The following CSTF2 variants were observed in gnomAD, a reference collection of about 807,000 sequenced individuals.
The protein encoded by CSTF2 is cleavage stimulation factor subunit 2, also known as CF-1 64 kDa subunit.
Under a neutral mutation model 45.4 loss-of-function variants are expected in CSTF2, and 8 were observed. The ratio of observed to expected loss-of-function variants is 0.18; its 90% CI spans 0.10 to 0.32. The LOEUF is 0.32. Among genes scored for constraint, CSTF2 ranks in the 10% least tolerant of loss-of-function variants. CSTF2 has a pLI of 1.00. For synonymous variants in CSTF2, 155 were observed against 158.9 expected (o/e 0.98, Z 0.18); for missense variants, 253 against 477.1 (o/e 0.53, Z 4.38).
chrX:100,822,516 G>A (rs2084924067), intron 3 of CSTF2, 96 bp downstream of exon 3: 4 of 892,815 alleles, frequency 4.5e-6, no homozygotes, highest in Admixed American at 5.2e-5. Context: ...TGCTGAAATG[G>A]TTAGCCACGC....
chrX:100,820,689 T>G (rs1223539124), intron 1 of CSTF2: 3 of 511,926 alleles, frequency 5.9e-6, no homozygotes, highest in Non-Finnish European at 1.1e-5. Context: ...GAAGTTAGAC[T>G]AGCGTTCAGC....
At chrX:100,826,475 G>A (rs2084945335) in intron 6 of CSTF2, among the ~76,000 whole-genome samples, 159 bp from the exon 7 acceptor site, 2 of 111,231 alleles carry the variant, frequency 1.8e-5, no homozygotes, top group Admixed American at 9.6e-5. Flanking sequence ...AGTTTAAAGT[G>A]TGTGACAAAT....
At chrX:100,835,887 T>G (rs901939067) in intron 11 of CSTF2, among the ~76,000 whole-genome samples, 25 of 111,460 alleles carry the variant, frequency 2.2e-4, no homozygotes, top group African/African-American at 7.5e-4. Context: ...TCAAAAAGAT[T>G]ATACTCAATT....
chrX:100,831,002 A>G, intron 8 of CSTF2: 1 of 497,720 alleles, frequency 2.0e-6, no homozygotes, highest in Non-Finnish European at 3.3e-6. Flanking sequence ...TGTTTTTTTA[A>G]TTTTTTCCTG....
In CSTF2 at chrX:100,833,414, G is replaced by T. The variant is rs763670637; in HGVS notation, c.1442G>T (p.Gly481Val). 4.1e-6 allele frequency: 5 copies of T among 1,207,000 alleles called. No individual in the cohort carries two copies. The highest frequency in any genetic ancestry group is 4.5e-6 in the Non-Finnish European group (4 of 893,666). Residue 481 changes from glycine (G) to valine (V), a missense_variant, in exon 11 of 14, where the codon GGA becomes GTA. Gly to Val is a moderately radical substitution (Grantham distance 109). Around this residue, in one of 3 missense-constraint regions of CSTF2, gnomAD observed 200 missense variants for 294.0 expected, o/e 0.68. Transcript: ENST00000372972. ...VPGPRGPIPS[G>V]MQGPSPINMG... is the part of the protein sequence containing the mutation. The stretch of plus-strand genomic sequence containing the variant: ...GGCCCCAGAGGACCTATACCTAGTG[G>T]AATGCAGGGTCCCAGTCCAATTAAC...
At position 100,833,299 on chromosome X, in the gene CSTF2, C is replaced by T. The variant is rs749587180; in HGVS notation, c.1327C>T (p.Arg443Cys). 3.2e-5 allele frequency: 39 copies of T among 1,207,281 alleles called. No homozygotes were observed. In the East Asian group the frequency reaches 7.1e-4, roughly 22 times the overall value. ...RAMEARAMEA[R>C]AMEARAMEAR... ...AATGGAGGCCCGTGCGATGGAAGCT[C>T]GTGCAATGGAGGCCCGAGCGATGGA... Residue 443 changes from arginine (R) to cysteine (C), a missense_variant, in exon 11 of 14, where the codon CGT becomes TGT. By Grantham distance (180) the Arg-to-Cys change is radical (BLOSUM62 -3). This residue lies in a region of CSTF2 where 200 missense variants were observed against 294.0 expected (regional missense o/e 0.68). Coordinates refer to ENST00000372972, the MANE Select transcript of CSTF2 (RefSeq NM_001325.3).
At chrX:100,826,207 A>G (rs1002245934) in intron 6 of CSTF2, among the ~76,000 whole-genome samples, 5 of 110,774 alleles carry the variant, frequency 4.5e-5, no homozygotes, top group Admixed American at 1.9e-4. Flanking sequence ...TTAAAAAAAA[A>G]ATTTAATTTT....
chrX:100,821,738 A>G, intron 2 of CSTF2, 133 bp downstream of exon 2: 1 of 469,758 alleles, frequency 2.1e-6, no homozygotes, highest in Non-Finnish European at 3.8e-6. Context: ...CTTTATTGAG[A>G]TATAATTGAT....
chrX:100,821,503 A>C, intron 1 of CSTF2, 24 bp from the exon 2 acceptor site: 1 of 1,075,698 alleles, frequency 9.3e-7, no homozygotes, highest in Non-Finnish European at 1.3e-6. Flanking sequence ...TCAGAATTTT[A>C]ATGTTACCTA....
intron 10 of CSTF2, 61 bp from the exon 11 acceptor site, chrX:100,833,119 C>T: frequency 8.9e-7 from 1 of 1,118,024 alleles, no homozygotes; most frequent in South Asian, 2.0e-5. Context: ...TTGGATTGTT[C>T]ATCATTCTTG....
Position 100,821,576 on chromosome X carries a change from T to C in CSTF2, c.108T>C (p.Phe36=). 3.3e-6 allele frequency: 4 copies of C among 1,207,657 alleles called. No individual in the cohort carries two copies. The Admixed American group carries it at 8.7e-5, about 26-fold the overall frequency. The change falls in exon 2 of 14, where the codon TTT becomes TTC. Residue 36 remains phenylalanine, a synonymous_variant. Coordinates refer to ENST00000372972, the MANE Select transcript of CSTF2 (RefSeq NM_001325.3). ...EATEEQLKDI[F]SEVGPVVSFR... ...CTGAAGAGCAGTTGAAGGACATCTT[T>C]TCTGAGGTTGGACCTGTTGTTAGTT...
Position 100,826,687 on chromosome X carries a change from T to C in CSTF2, c.756T>C (p.Gly252=), listed in dbSNP as rs1265780806. Residue 252 remains glycine (G), a synonymous_variant, in exon 7 of 14, where the codon GGT becomes GGC. Coordinates refer to ENST00000372972, the MANE Select transcript of CSTF2 (RefSeq NM_001325.3). ...APPLMQASMQ[G]GVPAPGQMPA... ...CTCTGATGCAAGCTTCTATGCAGGG[T>C]GGAGTTCCAGCACCAGGGCAAATGC... 1 of 1,210,146 alleles carries C rather than the reference T, an allele frequency of 8.3e-7. No individual in the cohort carries two copies. Among genetic ancestry groups the C allele is most frequent in the South Asian group, 1.8e-5 (1 of 56,877 alleles).
At chrX:100,837,527 C>T (rs2085016303) in intron 12 of CSTF2, 78 bp downstream of exon 12, 4 of 636,362 alleles carry the variant, frequency 6.3e-6, no homozygotes, top group South Asian at 3.2e-5. Flanking sequence ...TACCATGTGA[C>T]GATCCTGGGT....
chrX:100,820,517 C>T (rs1198269269), intron 1 of CSTF2, 43 bp downstream of exon 1: 3 of 1,144,114 alleles, frequency 2.6e-6, no homozygotes, highest in Non-Finnish European at 3.6e-6. Flanking sequence ...GAGGGACTCC[C>T]CTCTGCACCT....
chrX:100,826,882 T>A, intron 7 of CSTF2, 125 bp downstream of exon 7: 2 of 619,404 alleles, frequency 3.2e-6, no homozygotes, highest in East Asian at 7.3e-5. Flanking sequence ...AGAAAGTATA[T>A]ATCTTAGGTG....
At chrX:100,840,184 A>G (rs975734034) in intron 13 of CSTF2, among the ~76,000 whole-genome samples, 8 of 111,893 alleles carry the variant, frequency 7.1e-5, no homozygotes, top group African/African-American at 2.6e-4. Flanking sequence ...TTGTGTGTCT[A>G]CTGGTGTTTG....
In CSTF2 at chrX:100,821,616, C is replaced by T. The variant is rs373554965; in HGVS notation, c.137+11C>T. ...TGTTGTTAGTTTCAGGTGAGATCCC[C>T]TTTTCCTTCATGGTGGGAGCTTCTT... On this transcript the variant is annotated intron_variant, in intron 2 of 13. Transcript: ENST00000372972. 3 of 1,168,344 alleles carry T rather than the reference C, an allele frequency of 2.6e-6. No homozygotes were observed. The highest frequency in any genetic ancestry group is 3.5e-6 in the Non-Finnish European group (3 of 859,313).
In CSTF2 at chrX:100,822,158, A is replaced by G. The variant is rs1439068802; in HGVS notation, c.138-93A>G. 7 of 668,531 alleles carry G rather than the reference A, an allele frequency of 1.0e-5. No individual in the cohort carries two copies. The Admixed American group carries it at 2.4e-4, about 23-fold the overall frequency. The allele number at this position is 668,531 out of a possible 1,213,427, so 55.1% of individuals were successfully genotyped here. On this transcript the variant is annotated intron_variant, in intron 2 of 13. Transcript: ENST00000372972. ...GGCTGTCAGAGATATAAGGTTATTT[A>G]TGTTACAGTGGGCCCAATTAAAGCA...
intron 10 of CSTF2, 93 bp downstream of exon 10, chrX:100,833,002 G>A: frequency 4.8e-6 from 5 of 1,032,774 alleles, no homozygotes; most frequent in Admixed American, 3.4e-5. Flanking sequence ...AGGTTTGCAA[G>A]CATCTTTAAG....
Sources: gnomAD v4.1 joint callset for allele counts (sites outside exome capture counted in the v4.1 genomes callset) on GRCh38, gnomAD v4.1.1 for gene constraint, gnomAD v4.1.1 regional missense constraint, MANE v1.5 for transcripts, NCBI Gene and HGNC (gene_info 2026-07-23, HGNC 2026-07-21) for gene names.